Variants in PRR16 observed in about 807,000 individuals in gnomAD.
PRR16 encodes the protein protein Largen.
In PRR16, 6 loss-of-function variants were observed where a neutral mutation model predicts 18.2. That is an observed-to-expected ratio of 0.33 (90% CI 0.18 to 0.65). The LOEUF (loss-of-function observed/expected upper bound fraction) is 0.65. PRR16 is among the 30% of genes least tolerant of loss of function. The probability of loss-of-function intolerance (pLI) is 0.74; values close to 1 mark genes in which losing one functional copy is unlikely to be tolerated. For synonymous variants in PRR16, 151 were observed against 147.8 expected, an observed-to-expected ratio of 1.02 and a Z score of -0.16; for missense variants, 412 against 376.6, an observed-to-expected ratio of 1.09 and a Z score of -0.78.
intron 1 of PRR16, among the ~76,000 whole-genome samples, chr5:120,586,462 T>G (rs1753446947): frequency 6.6e-6 from 1 of 152,190 alleles, no homozygotes; most frequent in Non-Finnish European, 1.5e-5. Context: ...GGCAACCCTG[T>G]GTCTAGCAAA....
chr5:120,584,212 G>T (rs1256567523), intron 1 of PRR16, among the ~76,000 whole-genome samples: 2 of 152,158 alleles, frequency 1.3e-5, no homozygotes, highest in Non-Finnish European at 2.9e-5. Context: ...TAGTATCTAG[G>T]ACATAAAGGA....
At chr5:120,682,189 C>A (rs1486159608) in intron 1 of PRR16, among the ~76,000 whole-genome samples, 2 of 152,156 alleles carry the variant, frequency 1.3e-5, no homozygotes, top group East Asian at 3.9e-4. Flanking sequence ...GTCAGAGGAC[C>A]TTTATCAGGC....
At chr5:120,694,103 A>G in the PRR16 span, among the ~76,000 whole-genome samples, 2 of 152,220 alleles carry the variant, frequency 1.3e-5, no homozygotes, top group Non-Finnish European at 2.9e-5. Flanking sequence ...TGAAAATACT[A>G]AGAGTAAAAC....
the PRR16 span, among the ~76,000 whole-genome samples, chr5:120,729,854 G>A: frequency 8.4e-4 from 128 of 152,092 alleles, no homozygotes; most frequent in African/African-American, 3.0e-3. Flanking sequence ...AAAGTTGTAC[G>A]TGATGGAGGG....
At chr5:120,516,009 AATT>A (rs1750977782) in intron 1 of PRR16, among the ~76,000 whole-genome samples, 1 of 152,194 alleles carries the variant, frequency 6.6e-6, no homozygotes, top group African/African-American at 2.4e-5. Context: ...TTGTGTAAAC[AATT>A]TTCACTTTCC....
chr5:120,636,007 C>G (rs1755215619), intron 1 of PRR16, among the ~76,000 whole-genome samples: 1 of 151,932 alleles, frequency 6.6e-6, no homozygotes, highest in South Asian at 2.1e-4. Flanking sequence ...CAAGTCAACC[C>G]CTTTCACAAT....
chr5:120,540,861 C>T (rs929984312), intron 1 of PRR16, among the ~76,000 whole-genome samples: 4 of 151,892 alleles, frequency 2.6e-5, no homozygotes, highest in Non-Finnish European at 5.9e-5. Context: ...TACTTTCTAA[C>T]GTGTCATATC....
At chr5:120,689,041 A>G (rs1183045091), downstream of PRR16, among the ~76,000 whole-genome samples, 16 of 152,184 alleles carry the variant, frequency 1.1e-4, no homozygotes, top group Admixed American at 1.0e-3. Flanking sequence ...CTACTGGCTT[A>G]GAAATGTGAG....
intron 1 of PRR16, among the ~76,000 whole-genome samples, chr5:120,525,221 G>A (rs1154767): frequency 0.41 from 62,912 of 151,806 alleles, 15,161 homozygotes; most frequent in African/African-American, 0.67. Context: ...ATATATTTTA[G>A]TATGTTAAAT....
intron 1 of PRR16, among the ~76,000 whole-genome samples, chr5:120,509,294 AG>A (rs1361812387): frequency 6.6e-6 from 1 of 152,036 alleles, no homozygotes; most frequent in East Asian, 1.9e-4. Flanking sequence ...GTTTCTGTTG[AG>A]GTCTCTTCAT....
At chr5:120,510,908 C>A (rs1281787986) in intron 1 of PRR16, among the ~76,000 whole-genome samples, 1 of 152,198 alleles carries the variant, frequency 6.6e-6, no homozygotes, top group Non-Finnish European at 1.5e-5. Context: ...TGGCTTGCCT[C>A]ATCCCTACTT....
chr5:120,763,154 T>C, the PRR16 span, among the ~76,000 whole-genome samples: 8 of 149,344 alleles, frequency 5.4e-5, no homozygotes, highest in Non-Finnish European at 1.0e-4. Flanking sequence ...TTAATAGCAA[T>C]TTTTTTTTTT....
chr5:120,505,655 T>C (rs1750616045), intron 1 of PRR16, among the ~76,000 whole-genome samples: 1 of 152,184 alleles, frequency 6.6e-6, no homozygotes, highest in Non-Finnish European at 1.5e-5. Context: ...TTTTACACTT[T>C]TATTTTATAA....
chr5:120,498,974 G>A (rs1294997709), intron 1 of PRR16, among the ~76,000 whole-genome samples: 1 of 92,936 alleles, frequency 1.1e-5, no homozygotes, highest in Non-Finnish European at 2.4e-5. Flanking sequence ...CTTTAGTTTT[G>A]AGGTTGATTA....
At chr5:120,488,005 A>T (rs1430375322) in intron 1 of PRR16, among the ~76,000 whole-genome samples, 3 of 152,144 alleles carry the variant, frequency 2.0e-5, no homozygotes, top group Non-Finnish European at 2.9e-5. Flanking sequence ...AGCCCACTTG[A>T]TCATGGTGGA....
At chr5:120,500,116 C>T (rs1341792165) in intron 1 of PRR16, among the ~76,000 whole-genome samples, 1 of 152,076 alleles carries the variant, frequency 6.6e-6, no homozygotes, top group East Asian at 1.9e-4. Context: ...TTGTCTTTTG[C>T]TGGTGCACAT....
At chr5:120,785,054 A>T in the PRR16 span, among the ~76,000 whole-genome samples, 1 of 152,238 alleles carries the variant, frequency 6.6e-6, no homozygotes, top group Non-Finnish European at 1.5e-5. Context: ...CCTGTGTATA[A>T]CATCCAGTAG....
intron 1 of PRR16, among the ~76,000 whole-genome samples, chr5:120,665,018 T>G (rs1756320097): frequency 6.6e-6 from 1 of 151,350 alleles, no homozygotes; most frequent in East Asian, 1.9e-4. Flanking sequence ...TCTAGATCCC[T>G]GAGGAATCGC....
intron 1 of PRR16, among the ~76,000 whole-genome samples, chr5:120,543,696 T>C (rs942187556): frequency 6.6e-6 from 1 of 152,232 alleles, no homozygotes; most frequent in Non-Finnish European, 1.5e-5. Flanking sequence ...CACATTACAT[T>C]GGCTTTGTTA....
Sources: gnomAD v4.1 joint callset for allele counts (sites outside exome capture counted in the v4.1 genomes callset) on GRCh38, gnomAD v4.1.1 for gene constraint, MANE v1.5 for transcripts, NCBI Gene and HGNC (gene_info 2026-07-23, HGNC 2026-07-21) for gene names.